GTF2F2: variants seen among roughly 807,000 people sequenced by gnomAD.
GTF2F2 encodes the protein ATP-dependent helicase GTF2F2.
GTF2F2 carries 23 observed loss-of-function variants against 42.2 expected under a neutral mutation model. The ratio of observed to expected loss-of-function variants is 0.55; its 90% CI spans 0.39 to 0.77. The LOEUF (loss-of-function observed/expected upper bound fraction) is 0.77, where lower values mean the gene tolerates loss of function less well. Among genes scored for constraint, GTF2F2 ranks in the 30% least tolerant of loss-of-function variants. The pLI, the probability that GTF2F2 is intolerant of heterozygous loss-of-function variation, is 0.00. For missense variants in GTF2F2, 261 were observed against 287.2 expected (o/e 0.91, Z 0.66); for synonymous variants, 105 against 100.8 (o/e 1.04, Z -0.25).
intron 7 of GTF2F2, among the ~76,000 whole-genome samples, chr13:45,275,796 A>G (rs1877009286): frequency 1.3e-5 from 2 of 152,194 alleles, no homozygotes; most frequent in African/African-American, 4.8e-5. Flanking sequence ...AGCATGATTT[A>G]TAATCCTTTG....
At chr13:45,226,021 T>C (rs1290907769) in intron 5 of GTF2F2, among the ~76,000 whole-genome samples, 1 of 151,726 alleles carries the variant, frequency 6.6e-6, no homozygotes, top group African/African-American at 2.4e-5. Context: ...CTTCCTTTTA[T>C]GGGCTGTGAT....
rs186712174 is a variant in GTF2F2, at chr13:45,153,411, T to C, written c.304+1580T>C. 3.9e-5 allele frequency among the ~76,000 whole-genome samples: 6 copies of C among 152,220 alleles called. No individual in the cohort carries two copies. In the East Asian group the frequency reaches 1.2e-3, roughly 29 times the overall value. On this transcript the variant is annotated intron_variant, in intron 4 of 7. Coordinates refer to ENST00000340473, the MANE Select transcript of GTF2F2 (RefSeq NM_004128.3). ...TTCTTGGATGTACAGTATAACAGAA[T>C]GGTAAATTATAACTCTTCAGTTATG...
intron 3 of GTF2F2, among the ~76,000 whole-genome samples, chr13:45,151,310 A>AT (rs1210194645): frequency 2.6e-5 from 4 of 152,066 alleles, no homozygotes; most frequent in Admixed American, 2.6e-4. Flanking sequence ...TGATTCTGTT[A>AT]TTTTTTTATT....
chr13:45,158,861 A>G (rs1870895743), intron 4 of GTF2F2, among the ~76,000 whole-genome samples: 1 of 152,214 alleles, frequency 6.6e-6, no homozygotes, highest in Admixed American at 6.5e-5. Flanking sequence ...AAGAATTAGT[A>G]GTACTCTAAT....
chr13:45,207,886 G>A (rs563145989), intron 5 of GTF2F2, among the ~76,000 whole-genome samples: 79 of 152,220 alleles, frequency 5.2e-4, no homozygotes, highest in African/African-American at 1.9e-3. Context: ...GCCAGGCATG[G>A]TGGCACATGC....
intron 4 of GTF2F2, among the ~76,000 whole-genome samples, chr13:45,189,934 G>A (rs1872559450): frequency 2.0e-5 from 3 of 152,142 alleles, no homozygotes; most frequent in Admixed American, 6.5e-5. Context: ...TACCATTCAG[G>A]ACATAGGCAT....
intron 5 of GTF2F2, among the ~76,000 whole-genome samples, chr13:45,230,122 A>T (rs1874597806): frequency 6.6e-6 from 1 of 152,186 alleles, no homozygotes; most frequent in South Asian, 2.1e-4. Flanking sequence ...AGGCTGAGGA[A>T]GGAGAATCGT....
chr13:45,129,243 C>G (rs1056704852), intron 1 of GTF2F2, among the ~76,000 whole-genome samples: 2 of 152,190 alleles, frequency 1.3e-5, no homozygotes, highest in Non-Finnish European at 2.9e-5. Flanking sequence ...GAGTCTTACA[C>G]TGTCACCCAG....
chr13:45,271,028 C>T (rs954854423), intron 7 of GTF2F2, among the ~76,000 whole-genome samples: 2 of 152,324 alleles, frequency 1.3e-5, no homozygotes, highest in East Asian at 1.9e-4. Flanking sequence ...CGCGGTGGCT[C>T]ATGCCTGTAA....
intron 4 of GTF2F2, among the ~76,000 whole-genome samples, chr13:45,158,422 ATGTC>A (rs1870871093): frequency 1.3e-5 from 2 of 152,198 alleles, no homozygotes; most frequent in African/African-American, 2.4e-5. Flanking sequence ...AGTCTTGGGT[ATGTC>A]ATTATCAGCA....
Position 45,153,261 on chromosome 13 carries a change from G to A in GTF2F2, c.304+1430G>A, listed in dbSNP as rs988116118. Among the ~76,000 whole-genome samples, 19 of 151,504 alleles carry A rather than the reference G, an allele frequency of 1.3e-4. No individual in the cohort carries two copies. The East Asian group carries it at 2.5e-3, about 20-fold the overall frequency. ...TCTCGATCTCCTGACCTCGTGATCC[G>A]CCCGCCTCGGCCTCCCGGAGTGCTG... On this transcript the variant is annotated intron_variant, in intron 4 of 7. Transcript: ENST00000340473.
At chr13:45,240,148 A>G (rs1320788172) in intron 5 of GTF2F2, among the ~76,000 whole-genome samples, 1 of 135,270 alleles carries the variant, frequency 7.4e-6, no homozygotes, top group Admixed American at 7.7e-5. Flanking sequence ...CTGAACACCA[A>G]CTGCCATGCA....
chr13:45,236,490 T>TACACACACACACACACACACAC (rs3047056), intron 5 of GTF2F2, among the ~76,000 whole-genome samples: 1 of 141,936 alleles, frequency 7.0e-6, no homozygotes, highest in African/African-American at 2.5e-5. Context: ...CCGCCACACA[T>TACACACACACACACACACACAC]ACACACACAC....
chr13:45,235,534 T>G (rs1206034534), intron 5 of GTF2F2, among the ~76,000 whole-genome samples: 2 of 151,988 alleles, frequency 1.3e-5, no homozygotes, highest in Non-Finnish European at 2.9e-5. Context: ...ATTAGCAAAT[T>G]AAATGGAGAT....
chr13:45,176,842 G>A (rs1183176037), intron 4 of GTF2F2, among the ~76,000 whole-genome samples: 1 of 151,926 alleles, frequency 6.6e-6, no homozygotes, highest in Non-Finnish European at 1.5e-5. Flanking sequence ...CTGGAGTGCA[G>A]TGGTGCAGTC....
intron 5 of GTF2F2, among the ~76,000 whole-genome samples, chr13:45,229,305 C>T (rs181148351): frequency 6.6e-6 from 1 of 152,088 alleles, no homozygotes; most frequent in Admixed American, 6.5e-5. Flanking sequence ...TTACTTCCCC[C>T]CACCTCCCAC....
At chr13:45,240,208 C>T (rs1290465283) in intron 5 of GTF2F2, among the ~76,000 whole-genome samples, 1 of 146,674 alleles carries the variant, frequency 6.8e-6, no homozygotes, top group South Asian at 2.2e-4. Flanking sequence ...CATGGATTCA[C>T]CTTAGGATGG....
chr13:45,127,967 T>C (rs1869125289), intron 1 of GTF2F2, among the ~76,000 whole-genome samples: 1 of 130,620 alleles, frequency 7.7e-6, no homozygotes, highest in Non-Finnish European at 1.6e-5. Flanking sequence ...TTTTTTTTTT[T>C]TTCTTTTTTT....
At chr13:45,154,681 T>C (rs1179937053) in intron 4 of GTF2F2, among the ~76,000 whole-genome samples, 1 of 152,228 alleles carries the variant, frequency 6.6e-6, no homozygotes, top group Non-Finnish European at 1.5e-5. Context: ...TTTATTGACA[T>C]TTATATATAA....
Sources: gnomAD v4.1 joint callset for allele counts (sites outside exome capture counted in the v4.1 genomes callset) on GRCh38, gnomAD v4.1.1 for gene constraint, MANE v1.5 for transcripts, NCBI Gene and HGNC (gene_info 2026-07-23, HGNC 2026-07-21) for gene names.